Variants in RORB observed in about 807,000 individuals in gnomAD.
RORB encodes RAR related orphan receptor B.
Under a neutral mutation model 59.1 loss-of-function variants are expected in RORB, and 6 were observed. The ratio of observed to expected loss-of-function variants is 0.10; its 90% CI spans 0.06 to 0.20. RORB has a LOEUF of 0.20. Among genes scored for constraint, RORB ranks in the 10% least tolerant of loss-of-function variants. RORB has a pLI of 1.00. For synonymous variants in RORB, 215 were observed against 204.5 expected (o/e 1.05, Z -0.44); for missense variants, 320 against 560.5 (o/e 0.57, Z 4.33).
intron 4 of RORB, among the ~76,000 whole-genome samples, chr9:74,644,680 T>G (rs895927162): frequency 2.6e-5 from 4 of 152,224 alleles, no homozygotes; most frequent in African/African-American, 9.6e-5. Context: ...CCTTTGCATT[T>G]ATACTACTTA....
At chr9:74,530,872 C>G (rs1299956453) in intron 1 of RORB, among the ~76,000 whole-genome samples, 1 of 151,884 alleles carries the variant, frequency 6.6e-6, no homozygotes, top group Non-Finnish European at 1.5e-5. Flanking sequence ...ATCCTTCCCC[C>G]TACCCCCTAC....
chr9:74,662,012 T>C (rs1237417902), intron 5 of RORB, among the ~76,000 whole-genome samples: 1 of 152,152 alleles, frequency 6.6e-6, no homozygotes, highest in Non-Finnish European at 1.5e-5. Flanking sequence ...ATAAAAATAC[T>C]ACAAATTTAG....
chr9:74,617,327 G>C (rs1211397765), intron 1 of RORB, among the ~76,000 whole-genome samples: 1 of 152,082 alleles, frequency 6.6e-6, no homozygotes, highest in African/African-American at 2.4e-5. Context: ...TTTGAAAGAT[G>C]GAAATTTGTT....
intron 1 of RORB, among the ~76,000 whole-genome samples, chr9:74,567,448 T>C (rs1012149535): frequency 3.3e-5 from 5 of 152,144 alleles, no homozygotes; most frequent in Non-Finnish European, 7.3e-5. Flanking sequence ...TTCTTCTTGG[T>C]TGCTGAGCTC....
chr9:74,599,107 T>G (rs184800431), intron 1 of RORB, among the ~76,000 whole-genome samples: 1 of 152,196 alleles, frequency 6.6e-6, no homozygotes, highest in Non-Finnish European at 1.5e-5. Flanking sequence ...ACAGTGGAGA[T>G]AAAATTTCAG....
intron 1 of RORB, among the ~76,000 whole-genome samples, chr9:74,537,043 T>A (rs889150783): frequency 2.0e-5 from 3 of 152,076 alleles, no homozygotes; most frequent in Non-Finnish European, 2.9e-5. Context: ...AAGACCCATT[T>A]TACAAATAAG....
rs140133872 is a variant in RORB, at chr9:74,546,515, G to C, written c.7+48532G>C. On this transcript the variant is annotated intron_variant, in intron 1 of 9. Transcript: ENST00000376896. ...TTTTAGAAGAAGGGCATAATCAATG[G>C]CATCATAAACTGATGAGAGTTTCAG... Among the ~76,000 whole-genome samples, 233 of 152,260 alleles carry C rather than the reference G, an allele frequency of 1.5e-3. 4 individuals are homozygous for C. The Middle Eastern group carries it at 0.027, about 18-fold the overall frequency.
intron 1 of RORB, among the ~76,000 whole-genome samples, chr9:74,515,876 A>G (rs1432264442): frequency 6.6e-6 from 1 of 152,114 alleles, no homozygotes; most frequent in Non-Finnish European, 1.5e-5. Flanking sequence ...GTAGAATTTT[A>G]TTGCCAAAGA....
intron 1 of RORB, among the ~76,000 whole-genome samples, chr9:74,594,514 A>G (rs973237091): frequency 3.9e-5 from 6 of 152,234 alleles, no homozygotes; most frequent in Admixed American, 3.9e-4. Flanking sequence ...ATATATGTTG[A>G]TGTAGTATAC....
rs12115740 is a variant in RORB, at chr9:74,642,532, T to C, written c.354T>C (p.Leu118=). Residue 118 remains leucine (L), a synonymous_variant, in exon 4 of 10, where the codon CTT becomes CTC. Coordinates refer to ENST00000376896, the MANE Select transcript of RORB (RefSeq NM_006914.4). ...AGCAGAGTGGGGAGGCAGAAGCCCT[T>C]GCCAGGGTGTACAGCAGCAGCATTA... is the stretch of plus-strand genomic sequence containing the variant. The part of the protein sequence containing the change: ...RQQQSGEAEA[L]ARVYSSSISN... 2.2e-4 allele frequency: 358 copies of C among 1,614,170 alleles called. 1 individual carries two copies. The African/African-American group carries it at 4.2e-3, about 19-fold the overall frequency.
At chr9:74,559,493 C>T (rs910125978) in intron 1 of RORB, among the ~76,000 whole-genome samples, 3 of 152,120 alleles carry the variant, frequency 2.0e-5, no homozygotes, top group Non-Finnish European at 4.4e-5. Flanking sequence ...ACCATGATTC[C>T]TTGCATGTTT....
At chr9:74,643,387 G>T (rs1392630626) in intron 4 of RORB, among the ~76,000 whole-genome samples, 1 of 152,094 alleles carries the variant, frequency 6.6e-6, no homozygotes, top group African/African-American at 2.4e-5. Flanking sequence ...GTGTAGTCTG[G>T]AATCTTATAG....
rs961391542 is a variant in RORB, at chr9:74,692,309, G to T, written c.*6691G>T. The T allele has an allele frequency of 1.3e-5, 2 of 152,180 alleles. No individual in the cohort carries two copies. Among genetic ancestry groups the T allele is most frequent in the Non-Finnish European group, 2.9e-5 (2 of 68,024 alleles). The allele number at this position is 152,180 out of a possible 1,614,324, so 9.4% of individuals were successfully genotyped here. A position where few individuals can be genotyped will look rare whatever the true frequency, so the allele number is the denominator to read the frequency against. ...TGACTTTAAAAGGCTAGTATTTTAT[G>T]ATGATCGATTTATAATGATAAAAAG... On this transcript the variant is annotated 3_prime_UTR_variant, in exon 10 of 10. Transcript: ENST00000376896.
At chr9:74,571,680 G>C (rs1022753507) in intron 1 of RORB, among the ~76,000 whole-genome samples, 1 of 151,988 alleles carries the variant, frequency 6.6e-6, no homozygotes, top group Non-Finnish European at 1.5e-5. Context: ...AAACTTTGAG[G>C]TTAATTTTTT....
intron 4 of RORB, among the ~76,000 whole-genome samples, chr9:74,658,962 C>T (rs1824134908): frequency 6.6e-6 from 1 of 152,136 alleles, no homozygotes; most frequent in Non-Finnish European, 1.5e-5. Context: ...GCATCTTCTA[C>T]ATGTATTATT....
intron 9 of RORB, among the ~76,000 whole-genome samples, chr9:74,683,797 T>A (rs1300002573): frequency 2.0e-5 from 3 of 152,188 alleles, no homozygotes; most frequent in African/African-American, 7.2e-5. Flanking sequence ...TTTTTCAGTC[T>A]GCTTTTGACT....
chr9:74,624,176 G>C (rs1374997862), intron 1 of RORB, among the ~76,000 whole-genome samples: 1 of 152,208 alleles, frequency 6.6e-6, no homozygotes, highest in African/African-American at 2.4e-5. Flanking sequence ...GATGATAAAT[G>C]GTATAGGGAA....
chr9:74,654,579 T>C (rs1184918654), intron 4 of RORB, among the ~76,000 whole-genome samples: 2 of 152,220 alleles, frequency 1.3e-5, no homozygotes, highest in Non-Finnish European at 2.9e-5. Context: ...TTAAGACTTC[T>C]AGGGAGGTTT....
intron 3 of RORB, among the ~76,000 whole-genome samples, chr9:74,640,572 C>A (rs1202462399): frequency 6.6e-6 from 1 of 152,008 alleles, no homozygotes; most frequent in African/African-American, 2.4e-5. Context: ...TGCAAGCCAC[C>A]GCACCCAGCC....
Sources: allele counts gnomAD v4.1 joint callset (sites outside exome capture counted in the v4.1 genomes callset), GRCh38; gene constraint gnomAD v4.1.1; transcripts MANE v1.5; gene names NCBI Gene and HGNC (gene_info 2026-07-23, HGNC 2026-07-21).